Variants in CSMD1 observed in about 807,000 individuals in gnomAD.
The protein encoded by CSMD1 is CUB and sushi domain-containing protein 1.
A neutral mutation model predicts 417.5 loss-of-function variants in CSMD1; 213 were observed. That is an observed-to-expected ratio of 0.51 (90% CI 0.46 to 0.57). CSMD1 has a LOEUF of 0.57. Among genes scored for constraint, CSMD1 ranks in the 20% least tolerant of loss-of-function variants. The pLI is 0.00. For synonymous variants in CSMD1, 2,862 were observed against 1,736.8 expected (o/e 1.65, Z -16.11); for missense variants, 6,923 against 4,529.7 (o/e 1.53, Z -15.17).
intron 1 of CSMD1, among the ~76,000 whole-genome samples, chr8:4,874,802 A>C (rs950902793): frequency 6.7e-6 from 1 of 150,066 alleles, no homozygotes; most frequent in Non-Finnish European, 1.5e-5. Flanking sequence ...TTGTGTGTGT[A>C]TATATATATA....
intron 3 of CSMD1, among the ~76,000 whole-genome samples, chr8:4,294,452 T>C (rs1437607018): frequency 1.3e-5 from 2 of 152,130 alleles, no homozygotes; most frequent in Non-Finnish European, 2.9e-5. Flanking sequence ...TCGCAGGCAA[T>C]GATAATGATC....
chr8:3,220,130 G>C (rs1024629553), intron 28 of CSMD1, among the ~76,000 whole-genome samples: 1 of 129,358 alleles, frequency 7.7e-6, no homozygotes, highest in South Asian at 2.5e-4. Context: ...TCCACCCTGA[G>C]AGACAGAACA....
At chr8:4,034,827 G>C (rs193080089) in intron 3 of CSMD1, among the ~76,000 whole-genome samples, 25 of 152,232 alleles carry the variant, frequency 1.6e-4, no homozygotes, top group East Asian at 7.7e-4. Flanking sequence ...TTTTCCAACA[G>C]AAGGTGTCCA....
At chr8:4,052,905 G>T (rs186255044) in intron 3 of CSMD1, among the ~76,000 whole-genome samples, 1 of 152,082 alleles carries the variant, frequency 6.6e-6, no homozygotes, top group Admixed American at 6.6e-5. Flanking sequence ...AATGCCAGAC[G>T]TACTGAACTA....
chr8:4,388,081 A>G (rs1479448767), intron 3 of CSMD1, among the ~76,000 whole-genome samples: 2 of 152,196 alleles, frequency 1.3e-5, no homozygotes, highest in Non-Finnish European at 2.9e-5. Flanking sequence ...TAATGTCAGA[A>G]GTAAACCAGG....
chr8:4,313,779 G>A (rs902060758), intron 3 of CSMD1, among the ~76,000 whole-genome samples: 3 of 152,024 alleles, frequency 2.0e-5, no homozygotes, highest in Non-Finnish European at 4.4e-5. Context: ...GTTTTGGGAG[G>A]CCAAGGCAGG....
chr8:4,851,627 A>C (rs1755529601), intron 1 of CSMD1, among the ~76,000 whole-genome samples: 1 of 151,986 alleles, frequency 6.6e-6, no homozygotes, highest in South Asian at 2.1e-4. Context: ...TTTCATAATA[A>C]TCTATGGGAT....
At chr8:3,257,515 G>C (rs113201942) in intron 26 of CSMD1, among the ~76,000 whole-genome samples, 3 of 152,328 alleles carry the variant, frequency 2.0e-5, no homozygotes, top group African/African-American at 7.2e-5. Flanking sequence ...TTGGGATAAA[G>C]AAGACAGGAG....
At chr8:4,004,977 C>G (rs1397855641) in intron 4 of CSMD1, among the ~76,000 whole-genome samples, 2 of 152,148 alleles carry the variant, frequency 1.3e-5, no homozygotes, top group Non-Finnish European at 2.9e-5. Flanking sequence ...ATCTCCTGAC[C>G]TCGTGATCTG....
intron 10 of CSMD1, among the ~76,000 whole-genome samples, chr8:3,529,237 A>C (rs898631900): frequency 1.3e-5 from 2 of 152,260 alleles, no homozygotes; most frequent in Middle Eastern, 3.2e-3. Context: ...GCAAAATGCC[A>C]GTAGCTCATA....
At chr8:3,961,864 G>A (rs199706703) in intron 5 of CSMD1, among the ~76,000 whole-genome samples, 1 of 152,100 alleles carries the variant, frequency 6.6e-6, no homozygotes, top group East Asian at 1.9e-4. Flanking sequence ...TGTCCCTTTA[G>A]TCCTAAAACA....
At chr8:3,781,657 A>G (rs1799190591) in intron 5 of CSMD1, among the ~76,000 whole-genome samples, 1 of 152,218 alleles carries the variant, frequency 6.6e-6, no homozygotes, top group African/African-American at 2.4e-5. Context: ...TGTGATGTGA[A>G]TGGCAGGTGC....
intron 49 of CSMD1, among the ~76,000 whole-genome samples, chr8:3,065,295 A>C (rs936735201): frequency 7.2e-6 from 1 of 139,244 alleles, no homozygotes; most frequent in African/African-American, 2.7e-5. Flanking sequence ...AGATAGATAG[A>C]TAGATAGGTA....
intron 3 of CSMD1, among the ~76,000 whole-genome samples, chr8:4,190,542 GCT>G (rs1554487986): frequency 1.0e-5 from 1 of 98,578 alleles, no homozygotes. Context: ...ACACATATAA[GCT>G]TTTTTTTTTT....
At chr8:4,182,169 G>C (rs1011018567) in intron 3 of CSMD1, among the ~76,000 whole-genome samples, 4 of 151,852 alleles carry the variant, frequency 2.6e-5, no homozygotes, top group Admixed American at 2.6e-4. Context: ...CAACAAAATA[G>C]ACCTATTAGT....
intron 2 of CSMD1, among the ~76,000 whole-genome samples, chr8:4,526,571 G>T (rs541145041): frequency 6.6e-6 from 1 of 152,204 alleles, no homozygotes; most frequent in East Asian, 1.9e-4. Context: ...GAAGGTAGCT[G>T]ACACACACAT....
chr8:4,459,754 C>T (rs925024761), intron 2 of CSMD1, among the ~76,000 whole-genome samples: 1 of 152,132 alleles, frequency 6.6e-6, no homozygotes, highest in African/African-American at 2.4e-5. Flanking sequence ...AGTGATTCAG[C>T]CTCTAGCCTC....
intron 23 of CSMD1, among the ~76,000 whole-genome samples, chr8:3,338,275 T>A (rs555446242): frequency 4.7e-4 from 71 of 152,302 alleles, no homozygotes; most frequent in African/African-American, 1.7e-3. Context: ...GGGAGTGGCT[T>A]AGTCATGCGT....
intron 3 of CSMD1, among the ~76,000 whole-genome samples, chr8:4,299,989 C>G (rs1797893445): frequency 6.6e-6 from 1 of 152,098 alleles, no homozygotes; most frequent in Non-Finnish European, 1.5e-5. Context: ...GAATTTCTGT[C>G]CTTTGTAGAA....
Sources: gnomAD v4.1 joint callset for allele counts (sites outside exome capture counted in the v4.1 genomes callset) on GRCh38, gnomAD v4.1.1 for gene constraint, MANE v1.5 for transcripts, NCBI Gene and HGNC (gene_info 2026-07-23, HGNC 2026-07-21) for gene names.